The following CNIH3 variants were observed in gnomAD, a reference collection of about 807,000 sequenced individuals.
CNIH3 encodes the protein cornichon family AMPA receptor auxiliary protein 3, also known as protein cornichon homolog 3.
Under a neutral mutation model 24.1 loss-of-function variants are expected in CNIH3, and 14 were observed. The observed-to-expected ratio is 0.58, with a 90% CI of 0.38 to 0.91. The LOEUF (loss-of-function observed/expected upper bound fraction) is 0.91. Among genes scored for constraint, CNIH3 ranks in the 40% least tolerant of loss-of-function variants. CNIH3 has a pLI of 0.00. For synonymous variants in CNIH3, 68 were observed against 73.8 expected (o/e 0.92, Z 0.40); for missense variants, 178 against 196.8 (o/e 0.90, Z 0.57).
chr1:224,670,999 A>G (rs566971650), intron 1 of CNIH3, among the ~76,000 whole-genome samples: 9 of 152,348 alleles, frequency 5.9e-5, no homozygotes, highest in African/African-American at 1.9e-4. Flanking sequence ...GAAGGTCCAG[A>G]TAGAACAAAA....
chr1:224,715,296 T>G (rs1688370094), intron 3 of CNIH3, among the ~76,000 whole-genome samples: 1 of 152,230 alleles, frequency 6.6e-6, no homozygotes. Flanking sequence ...GTGTCTTTGC[T>G]GGTCTTCAGC....
At chr1:224,634,099 G>A (rs930636463) in intron 1 of CNIH3, among the ~76,000 whole-genome samples, 6 of 152,168 alleles carry the variant, frequency 3.9e-5, no homozygotes, top group Non-Finnish European at 8.8e-5. Context: ...ACTACCCACC[G>A]CCCCTTAGGA....
chr1:224,662,068 A>G (rs76930716), intron 1 of CNIH3, among the ~76,000 whole-genome samples: 251 of 152,326 alleles, frequency 1.6e-3, no homozygotes, highest in Admixed American at 3.4e-3. Context: ...TGAACTGTCT[A>G]TCAGATGTTA....
At chr1:224,620,544 A>G (rs1683229479) in intron 1 of CNIH3, among the ~76,000 whole-genome samples, 2 of 152,248 alleles carry the variant, frequency 1.3e-5, no homozygotes, top group African/African-American at 4.8e-5. Context: ...GACATGCTAT[A>G]TATCCTTTTT....
At chr1:224,705,465 C>G (rs1034229045) in intron 3 of CNIH3, among the ~76,000 whole-genome samples, 2 of 152,238 alleles carry the variant, frequency 1.3e-5, no homozygotes, top group African/African-American at 4.8e-5. Flanking sequence ...TTTAGTTATG[C>G]AGAGTCACAA....
intron 1 of CNIH3, among the ~76,000 whole-genome samples, chr1:224,660,963 A>G (rs911535349): frequency 4.6e-5 from 7 of 152,252 alleles, no homozygotes; most frequent in African/African-American, 1.7e-4. Context: ...ATTTACATCA[A>G]TTTTTAAAAC....
At chr1:224,463,791 T>TA (rs1676041324) in intron 1 of CNIH3, among the ~76,000 whole-genome samples, 2 of 122,550 alleles carry the variant, frequency 1.6e-5, no homozygotes, top group African/African-American at 6.7e-5. Context: ...TTTTTTTTTT[T>TA]TTTTTTTTTT....
At chr1:224,681,260 T>C (rs561752600) in intron 2 of CNIH3, among the ~76,000 whole-genome samples, 41 of 152,298 alleles carry the variant, frequency 2.7e-4, no homozygotes, top group African/African-American at 9.4e-4. Flanking sequence ...GGGAATAGTC[T>C]ACTGTGCTGT....
rs572965694 is a variant in CNIH3 at position 224,647,678 on chromosome 1, A to G, written c.81+30423A>G. Among the ~76,000 whole-genome samples the G allele has an allele frequency of 5.3e-5, 8 of 152,346 alleles. No individual in the cohort carries two copies. In the South Asian group the frequency reaches 1.7e-3, roughly 32 times the overall value. On this transcript the variant is annotated intron_variant, in intron 1 of 5. Coordinates refer to ENST00000272133, the MANE Select transcript of CNIH3 (RefSeq NM_152495.2). ...TGTGTTAACCCCACTTCTAGAGAGG[A>G]CAGAGGCTGGGACAGAGCCAAGGAT...
chr1:224,516,881 C>G (rs1285390619), intron 1 of CNIH3, among the ~76,000 whole-genome samples: 1 of 152,064 alleles, frequency 6.6e-6, no homozygotes, highest in Non-Finnish European at 1.5e-5. Flanking sequence ...CCTGGCCCCA[C>G]TCTTGTTTTT....
chr1:224,695,105 T>C (rs1416195028), intron 3 of CNIH3, among the ~76,000 whole-genome samples: 1 of 152,144 alleles, frequency 6.6e-6, no homozygotes, highest in Non-Finnish European at 1.5e-5. Flanking sequence ...AAAAAATAAA[T>C]TGGACTTTGA....
intron 1 of CNIH3, among the ~76,000 whole-genome samples, chr1:224,490,749 T>A (rs1677208529): frequency 6.6e-6 from 1 of 152,220 alleles, no homozygotes; most frequent in Admixed American, 6.5e-5. Flanking sequence ...AAGAGAAACT[T>A]CAGCGGAATT....
At chr1:224,589,768 A>G (rs917800144), downstream of CNIH3, among the ~76,000 whole-genome samples, 2 of 152,210 alleles carry the variant, frequency 1.3e-5, no homozygotes, top group African/African-American at 2.4e-5. Context: ...AGAAAGGAAA[A>G]GTGGAGCCCA....
intron 1 of CNIH3, among the ~76,000 whole-genome samples, chr1:224,624,851 C>A (rs2125069810): frequency 6.6e-6 from 1 of 152,290 alleles, no homozygotes; most frequent in African/African-American, 2.4e-5. Context: ...TTCCAGATAT[C>A]CTCACCTTCT....
chr1:224,693,272 G>A (rs778835956), intron 3 of CNIH3, among the ~76,000 whole-genome samples: 39 of 151,108 alleles, frequency 2.6e-4, no homozygotes, highest in Non-Finnish European at 5.2e-4. Context: ...CGCAGCAGGC[G>A]AACTGAAGAC....
intron 1 of CNIH3, among the ~76,000 whole-genome samples, chr1:224,510,731 G>A (rs925206969): frequency 1.3e-5 from 2 of 152,150 alleles, no homozygotes; most frequent in Admixed American, 6.5e-5. Context: ...CAGAGGAGCC[G>A]GGTTCCAGGA....
chr1:224,530,819 C>T (rs1442671594), intron 2 of CNIH3, among the ~76,000 whole-genome samples: 3 of 152,000 alleles, frequency 2.0e-5, no homozygotes, highest in Admixed American at 6.6e-5. Context: ...AGGATGGTCG[C>T]GATCTCCTGA....
chr1:224,688,820 G>A (rs1686789600), intron 3 of CNIH3, among the ~76,000 whole-genome samples: 2 of 151,616 alleles, frequency 1.3e-5, no homozygotes, highest in African/African-American at 4.9e-5. Context: ...AGCTACTCGG[G>A]AGGCTAAGGC....
At chr1:224,674,540 A>G (rs1217288559) in intron 1 of CNIH3, among the ~76,000 whole-genome samples, 2 of 151,894 alleles carry the variant, frequency 1.3e-5, no homozygotes, top group Non-Finnish European at 2.9e-5. Context: ...AGCAGGACTG[A>G]CCTTGCTGTA....
Sources: allele counts gnomAD v4.1 joint callset (sites outside exome capture counted in the v4.1 genomes callset), GRCh38; gene constraint gnomAD v4.1.1; transcripts MANE v1.5; gene names NCBI Gene and HGNC (gene_info 2026-07-23, HGNC 2026-07-21).